BRI3: variants seen among roughly 807,000 people sequenced by gnomAD.
The protein encoded by BRI3 is membrane protein BRI3.
BRI3 carries 6 observed loss-of-function variants against 12.8 expected under a neutral mutation model. The ratio of observed to expected loss-of-function variants is 0.47; its 90% CI spans 0.26 to 0.93. The LOEUF (loss-of-function observed/expected upper bound fraction) is 0.93, where lower values mean the gene tolerates loss of function less well. Among genes scored for constraint, BRI3 ranks in the 40% least tolerant of loss-of-function variants. The pLI is 0.15. For synonymous variants in BRI3, 91 were observed against 76.1 expected, an observed-to-expected ratio of 1.20 and a Z score of -1.02; for missense variants, 134 against 171.1, an observed-to-expected ratio of 0.78 and a Z score of 1.21.
upstream of BRI3, among the ~76,000 whole-genome samples, chr7:98,303,045 A>G (rs1473001684): frequency 1.3e-5 from 2 of 152,182 alleles, no homozygotes; most frequent in African/African-American, 4.8e-5. Flanking sequence ...TTGGCCTCCC[A>G]AAGTGTTGGA....
chr7:98,317,149 G>A, the BRI3 span: 37 of 1,600,744 alleles, frequency 2.3e-5, no homozygotes, highest in African/African-American at 8.0e-5. Flanking sequence ...CACCGCACCC[G>A]GCTAACCTCC....
chr7:98,317,470 C>G, the BRI3 span: 4 of 1,339,840 alleles, frequency 3.0e-6, no homozygotes, highest in East Asian at 9.2e-5. Flanking sequence ...GACACCCTCA[C>G]TTCACACCAT....
chr7:98,320,553 C>T, the BRI3 span, among the ~76,000 whole-genome samples: 1 of 152,214 alleles, frequency 6.6e-6, no homozygotes, highest in Admixed American at 6.5e-5. Context: ...CCAGGCTGGT[C>T]TTGAACTCCT....
In BRI3 at chr7:98,307,793, G is replaced by A. The variant is rs574975082; in HGVS notation, n.423G>A. On this transcript the variant is annotated non_coding_transcript_exon_variant, in exon 2 of 2. Coordinates refer to the BRI3 transcript ENST00000485422. ...CAAAGCTGAGTAAGGTCTTGTTGGA[G>A]CCCGCAGTGTGCGGGAAGATGGTCT... 4.5e-5 allele frequency: 72 copies of A among 1,614,138 alleles called. 1 individual carries two copies. The South Asian group carries it at 7.6e-4, about 17-fold the overall frequency.
the BRI3 span, chr7:98,317,290 C>G: frequency 1.9e-6 from 3 of 1,614,222 alleles, no homozygotes; most frequent in Admixed American, 5.0e-5. Flanking sequence ...TTCTTCAACT[C>G]AGCTTGGGAT....
At position 98,288,983 on chromosome 7, in the gene BRI3, G is replaced by A. The variant is rs372822876; in HGVS notation, c.246-2128G>A. Among the ~76,000 whole-genome samples, 80 of 151,830 alleles carry A rather than the reference G, an allele frequency of 5.3e-4. 1 individual carries two copies. The highest frequency in any genetic ancestry group is 1.9e-3 in the African/African-American group (78 of 41,382). On this transcript the variant is annotated intron_variant, in intron 2 of 2. Coordinates refer to ENST00000297290, the MANE Select transcript of BRI3 (RefSeq NM_015379.5). ...TTTCTTTTTTCTTTTTTTTTGAGAC[G>A]GAGTTTTGCTCTTGTTGCCCAGGCT...
downstream of BRI3, among the ~76,000 whole-genome samples, chr7:98,293,879 G>A (rs1321391351): frequency 6.6e-6 from 1 of 152,226 alleles, no homozygotes; most frequent in Non-Finnish European, 1.5e-5. Flanking sequence ...TCACTCTGGG[G>A]TGGGGAAGCC....
chr7:98,319,548 C>CTT, the BRI3 span, among the ~76,000 whole-genome samples: 1,259 of 138,520 alleles, frequency 9.1e-3, 23 homozygotes, highest in African/African-American at 0.025. Context: ...TTTCCTATGC[C>CTT]TTTTTTTTTT....
intron 2 of BRI3, among the ~76,000 whole-genome samples, chr7:98,289,045 C>A (rs71563559): frequency 6.6e-6 from 1 of 152,136 alleles, no homozygotes; most frequent in Non-Finnish European, 1.5e-5. Flanking sequence ...ACTGCAACCT[C>A]TGCCTCCCAG....
At chr7:98,306,310 A>T, upstream of BRI3, 1 of 1,125,814 alleles carries the variant, frequency 8.9e-7, no homozygotes, top group Non-Finnish European at 1.3e-6. Context: ...CCGCGGTCTC[A>T]TCTCTGACTA....
At position 98,308,808 on chromosome 7, in the gene BRI3, G is replaced by C. The variant is rs145103361; in HGVS notation, n.1438G>C. ...TCCTCCCTCCTCAGCCTCCTAAGTA[G>C]CTGGGACTACAGGCACACGCCGCCA... On this transcript the variant is annotated non_coding_transcript_exon_variant, in exon 2 of 2. Transcript: ENST00000485422. The C allele has an allele frequency of 4.5e-3, 692 of 154,508 alleles. 2 individuals carry two copies. The highest frequency in any genetic ancestry group is 0.011 in the African/African-American group (461 of 41,542). The allele number at this position is 154,508 out of a possible 1,614,324, so 9.6% of individuals were successfully genotyped here. A position where few individuals can be genotyped will look rare whatever the true frequency, so the allele number is the denominator to read the frequency against.
intron 2 of BRI3, among the ~76,000 whole-genome samples, chr7:98,284,050 C>T (rs1032575491): frequency 2.6e-5 from 4 of 152,216 alleles, no homozygotes; most frequent in East Asian, 3.9e-4. Context: ...GAACCTGGAG[C>T]GGGGTCAGAC....
chr7:98,306,329 G>C, upstream of BRI3: 1 of 1,307,404 alleles, frequency 7.6e-7, no homozygotes, highest in Non-Finnish European at 1.1e-6. Context: ...TAGTCCACGA[G>C]AGCTGAGGCT....
downstream of BRI3, chr7:98,293,466 C>T: frequency 6.6e-7 from 1 of 1,526,376 alleles, no homozygotes; most frequent in Non-Finnish European, 9.1e-7. Flanking sequence ...CAGGATGCGC[C>T]CATCATTCCG....
chr7:98,312,402 A>C, downstream of BRI3: 1 of 853,192 alleles, frequency 1.2e-6, no homozygotes, highest in Non-Finnish European at 1.8e-6. Context: ...AAACTCGGTG[A>C]GCACTTTAAG....
downstream of BRI3, among the ~76,000 whole-genome samples, chr7:98,314,974 G>A (rs189674498): frequency 1.1e-4 from 16 of 152,296 alleles, no homozygotes; most frequent in African/African-American, 3.6e-4. Flanking sequence ...ATACATGGAC[G>A]TTTGACCATT....
At chr7:98,320,264 C>T in the BRI3 span, 13 of 1,609,866 alleles carry the variant, frequency 8.1e-6, no homozygotes, top group Non-Finnish European at 1.0e-5. Context: ...CGTTGAGTTT[C>T]TTGTGGGTAC....
chr7:98,299,913 C>T (rs561014088), intron 1 of BRI3, among the ~76,000 whole-genome samples: 21 of 152,226 alleles, frequency 1.4e-4, no homozygotes, highest in African/African-American at 3.9e-4. Context: ...TGGTGGCATG[C>T]ACCTGTAGTC....
the BRI3 span, among the ~76,000 whole-genome samples, chr7:98,319,790 A>G: frequency 6.6e-6 from 1 of 152,124 alleles, no homozygotes; most frequent in Non-Finnish European, 1.5e-5. Flanking sequence ...ACCTCAAGTG[A>G]TCCGCCTGCC....
Sources: gnomAD v4.1 joint callset for allele counts (sites outside exome capture counted in the v4.1 genomes callset) on GRCh38, gnomAD v4.1.1 for gene constraint, MANE v1.5 for transcripts, NCBI Gene and HGNC (gene_info 2026-07-23, HGNC 2026-07-21) for gene names.